The following GPM6A variants were observed in gnomAD, a reference collection of about 807,000 sequenced individuals.
The protein encoded by GPM6A is glycoprotein M6A, also known as neuronal membrane glycoprotein M6-a.
A neutral mutation model predicts 32.1 loss-of-function variants in GPM6A; 7 were observed. The ratio of observed to expected loss-of-function variants is 0.22; its 90% CI spans 0.12 to 0.41. The LOEUF is 0.41. Ranked by LOEUF, GPM6A falls within the 10% of genes least tolerant of loss-of-function variation. The pLI, the probability that GPM6A is intolerant of heterozygous loss-of-function variation, is 1.00. For synonymous variants in GPM6A, 130 were observed against 123.4 expected, an observed-to-expected ratio of 1.05 and a Z score of -0.35; for missense variants, 235 against 347.2, an observed-to-expected ratio of 0.68 and a Z score of 2.57.
At chr4:175,756,599 G>A (rs1203784623) in intron 1 of GPM6A, among the ~76,000 whole-genome samples, 2 of 152,064 alleles carry the variant, frequency 1.3e-5, no homozygotes, top group East Asian at 1.9e-4. Context: ...AGCACAGACA[G>A]ACATAAATTT....
At chr4:175,815,718 C>CTTTTTTTTTTTTTTTT (rs60711329), upstream of GPM6A, among the ~76,000 whole-genome samples, 1 of 127,110 alleles carries the variant, frequency 7.9e-6, no homozygotes, top group Admixed American at 8.5e-5. Flanking sequence ...TTTTTCTTTT[C>CTTTTTTTTTTTTTTTT]TTTTTTTTTT....
intron 1 of GPM6A, among the ~76,000 whole-genome samples, chr4:175,959,220 GA>G (rs1740087766): frequency 6.6e-6 from 1 of 152,026 alleles, no homozygotes; most frequent in Non-Finnish European, 1.5e-5. Flanking sequence ...ATGGGGCCAG[GA>G]ACTCATGGGA....
chr4:175,704,863 G>A (rs1431816573), intron 1 of GPM6A, among the ~76,000 whole-genome samples: 1 of 152,176 alleles, frequency 6.6e-6, no homozygotes, highest in African/African-American at 2.4e-5. Context: ...TGCCTTTGCT[G>A]GATCCTAGAG....
chr4:175,915,733 G>C (rs925721990), intron 1 of GPM6A, among the ~76,000 whole-genome samples: 1 of 152,094 alleles, frequency 6.6e-6, no homozygotes, highest in Non-Finnish European at 1.5e-5. Flanking sequence ...CCACCTCACT[G>C]GCAATACTCA....
chr4:175,711,453 T>TATATATATAC (rs1745534079), intron 1 of GPM6A, among the ~76,000 whole-genome samples: 1 of 35,684 alleles, frequency 2.8e-5, no homozygotes, highest in South Asian at 8.1e-4. Flanking sequence ...TATATATATA[T>TATATATATAC]ATATACACAC....
chr4:175,676,427 C>T (rs1278457048), intron 2 of GPM6A, among the ~76,000 whole-genome samples: 5 of 152,124 alleles, frequency 3.3e-5, no homozygotes, highest in Non-Finnish European at 7.4e-5. Flanking sequence ...GTATCTTCCA[C>T]TAGAACGATA....
chr4:175,778,939 C>T (rs922571845), intron 1 of GPM6A, among the ~76,000 whole-genome samples: 8 of 150,990 alleles, frequency 5.3e-5, no homozygotes, highest in African/African-American at 1.7e-4. Flanking sequence ...AAGTATAATA[C>T]ATAAGTATAT....
intron 1 of GPM6A, among the ~76,000 whole-genome samples, chr4:175,957,059 T>C (rs902155452): frequency 6.8e-6 from 1 of 147,150 alleles, no homozygotes; most frequent in East Asian, 1.9e-4. Flanking sequence ...GAAAAATATA[T>C]TTTTTTACTA....
At chr4:175,784,727 ATG>A (rs144351244) in intron 1 of GPM6A, among the ~76,000 whole-genome samples, 2 of 151,240 alleles carry the variant, frequency 1.3e-5, no homozygotes, top group Admixed American at 6.6e-5. Flanking sequence ...GTGTGTGTGT[ATG>A]TGTGTGTGTG....
chr4:175,730,029 C>T (rs1430020017), intron 1 of GPM6A, among the ~76,000 whole-genome samples: 1 of 150,718 alleles, frequency 6.6e-6, no homozygotes, highest in Non-Finnish European at 1.5e-5. Context: ...TTCATGCATA[C>T]CCAACTTTCT....
chr4:175,666,596 A>AGTCTGTGG (rs1742767151), intron 3 of GPM6A, among the ~76,000 whole-genome samples: 1 of 152,222 alleles, frequency 6.6e-6, no homozygotes, highest in Admixed American at 6.5e-5. Flanking sequence ...TTAAAAGACC[A>AGTCTGTGG]TTAATAGTCT....
chr4:175,813,258 A>T (rs1734999332), upstream of GPM6A: 1 of 167,890 alleles, frequency 6.0e-6, no homozygotes, highest in Admixed American at 6.5e-5. Flanking sequence ...TTTAGATAAG[A>T]AACAAGAGGA....
Position 175,641,141 on chromosome 4 carries a change from G to A in GPM6A, c.542-312C>T, listed in dbSNP as rs188161146. ...TTGGCCCATTAATGTGATAGTATAG[G>A]CATCACAATTATTTTGTTAACTATG... On this transcript the variant is annotated intron_variant, in intron 4 of 6. Coordinates refer to ENST00000393658, the MANE Select transcript of GPM6A (RefSeq NM_201591.3). The A allele has an allele frequency of 9.5e-6, 3 of 315,794 alleles. No homozygotes were observed. In the East Asian group the frequency reaches 2.2e-4, roughly 23 times the overall value. 19.6% of individuals were successfully genotyped at this position (315,794 alleles called of 1,614,324 possible). A position where few individuals can be genotyped will look rare whatever the true frequency, so the allele number is the denominator to read the frequency against.
chr4:175,871,108 T>C (rs1736891843), intron 1 of GPM6A, among the ~76,000 whole-genome samples: 1 of 152,018 alleles, frequency 6.6e-6, no homozygotes, highest in African/African-American at 2.4e-5. Context: ...TCCTTATTTA[T>C]CTTTCTCACT....
intron 3 of GPM6A, among the ~76,000 whole-genome samples, chr4:175,655,000 T>C (rs1409201815): frequency 1.3e-5 from 2 of 152,114 alleles, no homozygotes; most frequent in Non-Finnish European, 2.9e-5. Context: ...GACTTATAAT[T>C]CAATAGGTTT....
At chr4:175,766,650 ACTCT>A (rs1408260889) in intron 1 of GPM6A, among the ~76,000 whole-genome samples, 1 of 138,692 alleles carries the variant, frequency 7.2e-6, no homozygotes, top group Non-Finnish European at 1.5e-5. Context: ...GCCTCCACTT[ACTCT>A]TTTTTTTTTT....
intron 1 of GPM6A, among the ~76,000 whole-genome samples, chr4:175,918,594 A>C (rs1738569577): frequency 6.6e-6 from 1 of 152,152 alleles, no homozygotes; most frequent in African/African-American, 2.4e-5. Context: ...TAGCAAGACC[A>C]TAGAATGCTT....
chr4:175,979,663 A>G (rs923936930), intron 1 of GPM6A, among the ~76,000 whole-genome samples: 2 of 152,208 alleles, frequency 1.3e-5, no homozygotes, highest in African/African-American at 4.8e-5. Flanking sequence ...GATCAGGCTT[A>G]TAGACCTGGA....
chr4:175,678,357 C>T (rs1245425316), intron 2 of GPM6A, among the ~76,000 whole-genome samples: 3 of 152,018 alleles, frequency 2.0e-5, no homozygotes, highest in African/African-American at 7.2e-5. Context: ...CTTTCTCAAG[C>T]TTGAATTTAT....
Sources: allele counts gnomAD v4.1 joint callset (sites outside exome capture counted in the v4.1 genomes callset), GRCh38; gene constraint gnomAD v4.1.1; transcripts MANE v1.5; gene names NCBI Gene and HGNC (gene_info 2026-07-23, HGNC 2026-07-21).